Variants in COX7B2 observed in about 807,000 individuals in gnomAD.
The protein encoded by COX7B2 is cytochrome c oxidase subunit 7B2, mitochondrial.
For synonymous variants in COX7B2, 37 were observed against 32.1 expected (o/e 1.15, Z -0.51); for missense variants, 109 against 95.9 (o/e 1.14, Z -0.57).
In COX7B2 at chr4:46,810,683, C is replaced by T. The variant is rs116852575; in HGVS notation, c.-50+34277G>A. Among the ~76,000 whole-genome samples, 359 of 152,164 alleles carry T rather than the reference C, an allele frequency of 2.4e-3. 13 individuals are homozygous for T. In the East Asian group the frequency reaches 0.065, roughly 27 times the overall value. ...AGAGATATGTATGACTTACACAACA[C>T]CATTAAAGTATTGGAACACTCAGGA... On this transcript the variant is annotated intron_variant, in intron 2 of 2. Transcript: ENST00000355591.
intron 2 of COX7B2, among the ~76,000 whole-genome samples, chr4:46,824,144 A>G (rs1390341473): frequency 6.6e-5 from 10 of 152,148 alleles, no homozygotes; most frequent in African/African-American, 2.4e-4. Context: ...GAACAGACCA[A>G]TAATGAGCTC....
intron 1 of COX7B2, among the ~76,000 whole-genome samples, chr4:46,902,236 A>T (rs1360180673): frequency 6.6e-6 from 1 of 152,196 alleles, no homozygotes; most frequent in Admixed American, 6.5e-5. Context: ...CAAGAAAAAA[A>T]GGAGGACAAT....
intron 2 of COX7B2, among the ~76,000 whole-genome samples, chr4:46,799,121 C>G (rs576252365): frequency 1.3e-5 from 2 of 152,028 alleles, no homozygotes. Context: ...TTGTGTGTGG[C>G]TATTGTGAAT....
At chr4:46,831,713 T>C (rs141555725) in intron 2 of COX7B2, among the ~76,000 whole-genome samples, 61 of 152,254 alleles carry the variant, frequency 4.0e-4, no homozygotes, top group African/African-American at 1.4e-3. Flanking sequence ...AGCTAAGGGA[T>C]TGTGATACAC....
chr4:46,850,706 G>A (rs912401456), intron 1 of COX7B2, among the ~76,000 whole-genome samples: 8 of 151,966 alleles, frequency 5.3e-5, no homozygotes, highest in East Asian at 3.9e-4. Context: ...TTATATAAGC[G>A]ACAGCAAACT....
intron 2 of COX7B2, among the ~76,000 whole-genome samples, chr4:46,824,956 C>T (rs1714579729): frequency 6.6e-6 from 1 of 152,066 alleles, no homozygotes; most frequent in African/African-American, 2.4e-5. Flanking sequence ...GAAGCATTCC[C>T]CTTGAAAACA....
chr4:46,804,757 G>C (rs1402957650), intron 2 of COX7B2, among the ~76,000 whole-genome samples: 1 of 152,270 alleles, frequency 6.6e-6, no homozygotes, highest in Admixed American at 6.5e-5. Context: ...CAGGAGCCCA[G>C]TTGGCTTCAC....
At position 46,773,048 on chromosome 4, in the gene COX7B2, A is replaced by T. The variant is rs1391681869; in HGVS notation, c.-49-37807T>A. Among the ~76,000 whole-genome samples the T allele has an allele frequency of 3.9e-5, 6 of 152,232 alleles. No individual in the cohort carries two copies. In the East Asian group the frequency reaches 1.2e-3, roughly 29 times the overall value. On this transcript the variant is annotated intron_variant, in intron 2 of 2. Coordinates refer to ENST00000355591, the MANE Select transcript of COX7B2 (RefSeq NM_130902.3). ...TCATAAAATTAGGTAGAAAATTTTT[A>T]CACTTCAATGAAAATATACATATTC...
intron 2 of COX7B2, among the ~76,000 whole-genome samples, chr4:46,758,097 T>C (rs567856946): frequency 1.4e-4 from 22 of 152,306 alleles, no homozygotes; most frequent in Admixed American, 1.1e-3. Context: ...CAATACTTTA[T>C]GGTAATTTCA....
At position 46,805,012 on chromosome 4, in the gene COX7B2, C is replaced by T. The variant is rs544467907; in HGVS notation, c.-50+39948G>A. On this transcript the variant is annotated intron_variant, in intron 2 of 2. Coordinates refer to ENST00000355591, the MANE Select transcript of COX7B2 (RefSeq NM_130902.3). The stretch of plus-strand genomic sequence containing the variant: ...AGGCAGCTAAGGCCCGGCAAGAAGT[C>T]GAGCACAGCAGCTGCTGGCCCAGGT... 4.2e-3 allele frequency among the ~76,000 whole-genome samples: 636 copies of T among 152,304 alleles called. 5 individuals are homozygous for T. The highest frequency in any genetic ancestry group is 6.2e-3 in the Non-Finnish European group (419 of 68,018).
intron 2 of COX7B2, among the ~76,000 whole-genome samples, chr4:46,781,144 G>A (rs1052113174): frequency 1.3e-5 from 2 of 152,252 alleles, no homozygotes; most frequent in Non-Finnish European, 2.9e-5. Flanking sequence ...CTATTAGAAG[G>A]TGGGCAGTAG....
At chr4:46,837,221 A>G (rs191734636) in intron 2 of COX7B2, among the ~76,000 whole-genome samples, 16 of 151,918 alleles carry the variant, frequency 1.1e-4, no homozygotes, top group Non-Finnish European at 1.5e-5. Context: ...GGAAACACCC[A>G]AGTGTACATC....
chr4:46,853,957 T>C (rs1716856247), intron 1 of COX7B2, among the ~76,000 whole-genome samples: 1 of 152,106 alleles, frequency 6.6e-6, no homozygotes, highest in African/African-American at 2.4e-5. Context: ...GCAAAATAAT[T>C]AAATGTCTTA....
chr4:46,888,135 A>G (rs1215952448), intron 1 of COX7B2, among the ~76,000 whole-genome samples: 1 of 152,170 alleles, frequency 6.6e-6, no homozygotes, highest in African/African-American at 2.4e-5. Flanking sequence ...GCTCAACAGG[A>G]GAAGCAAAGC....
chr4:46,884,423 G>C (rs2109855089), intron 1 of COX7B2, among the ~76,000 whole-genome samples: 1 of 152,286 alleles, frequency 6.6e-6, no homozygotes. Flanking sequence ...ATTAATAGAA[G>C]GTTCCAATTT....
At chr4:46,813,559 G>A (rs1319746772) in intron 2 of COX7B2, among the ~76,000 whole-genome samples, 2 of 152,148 alleles carry the variant, frequency 1.3e-5, no homozygotes, top group African/African-American at 4.8e-5. Context: ...CTGTCGTGGG[G>A]TGGAGGGCAA....
chr4:46,774,291 G>C (rs774644618), intron 2 of COX7B2, among the ~76,000 whole-genome samples: 31 of 152,044 alleles, frequency 2.0e-4, no homozygotes, highest in Non-Finnish European at 3.7e-4. Context: ...TTAGGGTCTG[G>C]TTCGTCTATC....
At chr4:46,740,529 C>T (rs565110908) in intron 2 of COX7B2, among the ~76,000 whole-genome samples, 7 of 152,066 alleles carry the variant, frequency 4.6e-5, no homozygotes, top group Admixed American at 2.6e-4. Flanking sequence ...AGATTCCAAA[C>T]GTAACTCAAG....
chr4:46,848,424 C>A (rs1716437435), intron 1 of COX7B2, among the ~76,000 whole-genome samples: 1 of 152,020 alleles, frequency 6.6e-6, no homozygotes, highest in South Asian at 2.1e-4. Flanking sequence ...AAAAAGCTGG[C>A]CCTGTTGCTT....
Sources: gnomAD v4.1 joint callset for allele counts (sites outside exome capture counted in the v4.1 genomes callset) on GRCh38, gnomAD v4.1.1 for gene constraint, MANE v1.5 for transcripts, NCBI Gene and HGNC (gene_info 2026-07-23, HGNC 2026-07-21) for gene names.